The following RGP1 variants were observed in gnomAD, a reference collection of about 807,000 sequenced individuals.
The protein encoded by RGP1 is RAB6A-GEF complex partner protein 2.
Under a neutral mutation model 44.5 loss-of-function variants are expected in RGP1, and 28 were observed. That is an observed-to-expected ratio of 0.63 (90% CI 0.47 to 0.86). The LOEUF (loss-of-function observed/expected upper bound fraction) is 0.86, where lower values mean the gene tolerates loss of function less well. Ranked by LOEUF, RGP1 falls within the 40% of genes least tolerant of loss-of-function variation. RGP1 has a pLI of 0.00. For missense variants in RGP1, 417 were observed against 490.7 expected (o/e 0.85, Z 1.42); for synonymous variants, 212 against 196.7 (o/e 1.08, Z -0.65).
chr9:35,764,436 G>A, the RGP1 span, among the ~76,000 whole-genome samples: 256 of 152,308 alleles, frequency 1.7e-3, no homozygotes, highest in Middle Eastern at 6.8e-3. Flanking sequence ...TCTCTATAAT[G>A]ATTTGTTGGC....
At chr9:35,769,498 G>T in the RGP1 span, among the ~76,000 whole-genome samples, 1 of 152,170 alleles carries the variant, frequency 6.6e-6, no homozygotes, top group African/African-American at 2.4e-5. Flanking sequence ...TGAAGTTTGA[G>T]CAATATTAAG....
At chr9:35,751,078 G>A (rs369558751) in intron 5 of RGP1, 89 bp downstream of exon 5, 3 of 1,537,286 alleles carry the variant, frequency 2.0e-6, no homozygotes, top group East Asian at 4.5e-5. Context: ...GGACTGCAGG[G>A]AAACTTCCTG....
chr9:35,767,512 A>G, the RGP1 span, among the ~76,000 whole-genome samples: 1 of 152,182 alleles, frequency 6.6e-6, no homozygotes, highest in Non-Finnish European at 1.5e-5. Flanking sequence ...TAATACCAAT[A>G]TTAAATAGCC....
chr9:35,752,089 C>T lies in RGP1; in HGVS notation c.896C>T (p.Thr299Ile), dbSNP rs767809867. ...GAATCCTGCCTACATACAACTAGAA[C>T]CAGCTTCTCCCTCCCAATCCCTCTC... ...HQESCLHTTR[T>I]SFSLPIPLSS... The change falls in exon 8 of 9, where the codon ACC (threonine) becomes ATC (isoleucine). Residue 299 changes from threonine to isoleucine, a missense_variant. Transcript: ENST00000378078. 1.2e-6 allele frequency: 2 copies of T among 1,603,626 alleles called. No homozygotes were observed. Among genetic ancestry groups the T allele is most frequent in the South Asian group, 2.2e-5 (2 of 89,248 alleles).
chr9:35,777,877 A>G, the RGP1 span, among the ~76,000 whole-genome samples: 1 of 152,348 alleles, frequency 6.6e-6, no homozygotes, highest in African/African-American at 2.4e-5. Context: ...GCCATCCTTT[A>G]AAACATTCAA....
the RGP1 span, among the ~76,000 whole-genome samples, chr9:35,781,511 C>T: frequency 6.6e-6 from 1 of 151,784 alleles, no homozygotes; most frequent in Non-Finnish European, 1.5e-5. Flanking sequence ...AGTTGGAGGC[C>T]GCAGATGTTA....
the RGP1 span, chr9:35,772,257 G>A: frequency 6.6e-6 from 1 of 152,250 alleles, no homozygotes; most frequent in Non-Finnish European, 1.5e-5. Flanking sequence ...CTGAGGACTA[G>A]AGCCTGGAGA....
At chr9:35,768,403 G>A in the RGP1 span, among the ~76,000 whole-genome samples, 1 of 152,184 alleles carries the variant, frequency 6.6e-6, no homozygotes, top group African/African-American at 2.4e-5. Flanking sequence ...GAGACTTTAT[G>A]GAGATGTCTG....
chr9:35,778,423 G>T, the RGP1 span, among the ~76,000 whole-genome samples: 1 of 152,160 alleles, frequency 6.6e-6, no homozygotes, highest in African/African-American at 2.4e-5. Flanking sequence ...CAAAAGCTAC[G>T]TTTTAAAGCA....
the RGP1 span, among the ~76,000 whole-genome samples, chr9:35,770,491 T>G: frequency 2.3e-5 from 2 of 88,682 alleles, no homozygotes; most frequent in African/African-American, 1.0e-4. Flanking sequence ...GGTATTACCA[T>G]GGAGAGAGAG....
At position 35,754,056 on chromosome 9, in the gene RGP1, A is replaced by C; in HGVS notation, c.*1182A>C. ...TCCTGGGTGCTGGAGGAGTAGAGAC[A>C]TCACCAAGCAGATGATCCCCCAGCC... On this transcript the variant is annotated 3_prime_UTR_variant, in exon 9 of 9. Transcript: ENST00000378078. 1 of 1,613,840 alleles carries C rather than the reference A, an allele frequency of 6.2e-7. No individual in the cohort carries two copies. Among genetic ancestry groups the C allele is most frequent in the Non-Finnish European group, 8.5e-7 (1 of 1,179,852 alleles).
chr9:35,750,504 GGGA>G, intron 3 of RGP1, 125 bp downstream of exon 3: 1 of 1,334,756 alleles, frequency 7.5e-7, no homozygotes, highest in African/African-American at 1.4e-5. Flanking sequence ...GGGGATGTTG[GGGA>G]GCATGACTAT....
chr9:35,759,264 T>G (rs933629678), downstream of RGP1, among the ~76,000 whole-genome samples: 1 of 152,100 alleles, frequency 6.6e-6, no homozygotes, highest in African/African-American at 2.4e-5. Flanking sequence ...TTCTAAATTA[T>G]TACAGACAAT....
chr9:35,785,402 T>G, the RGP1 span, among the ~76,000 whole-genome samples: 11 of 151,386 alleles, frequency 7.3e-5, no homozygotes, highest in Middle Eastern at 6.8e-3. Context: ...CCCCACTGTT[T>G]CATCTGGAGC....
the RGP1 span, among the ~76,000 whole-genome samples, chr9:35,773,939 G>C: frequency 6.6e-6 from 1 of 152,182 alleles, no homozygotes; most frequent in South Asian, 2.1e-4. Context: ...CCAGTGTTGG[G>C]GTTGCAGGTG....
At chr9:35,780,935 C>T in the RGP1 span, among the ~76,000 whole-genome samples, 1 of 151,960 alleles carries the variant, frequency 6.6e-6, no homozygotes, top group Non-Finnish European at 1.5e-5. Context: ...ATCCCTTCAT[C>T]CATACTCATA....
At position 35,752,017 on chromosome 9, in the gene RGP1, C is replaced by A; in HGVS notation, c.824C>A (p.Ala275Glu). 6.2e-7 allele frequency: 1 copy of A among 1,608,582 alleles called. No individual in the cohort carries two copies. The highest frequency in any genetic ancestry group is 8.5e-7 in the Non-Finnish European group (1 of 1,177,126). ...CCTGAGTACCAGCGGCGACGTGGGGCAGGGGGTGTCCCCTCTGTGTCACAT... is the reference window on the plus strand; with the variant it reads ...CCTGAGTACCAGCGGCGACGTGGGGAAGGGGGTGTCCCCTCTGTGTCACAT... ...VQPEYQRRRG[A>E]GGVPSVSHVT... The change falls in exon 8 of 9, where the codon GCA becomes GAA. Residue 275 changes from alanine to glutamate, a missense_variant. Ala to Glu is a moderately radical substitution (Grantham distance 107). Coordinates refer to ENST00000378078, the MANE Select transcript of RGP1 (RefSeq NM_001080496.3).
chr9:35,765,928 G>A, the RGP1 span, among the ~76,000 whole-genome samples: 2 of 150,350 alleles, frequency 1.3e-5, no homozygotes, highest in Non-Finnish European at 3.0e-5. Flanking sequence ...TCCACCTCCT[G>A]GGTTCACGCC....
At chr9:35,751,579 G>A (rs746176473) in intron 6 of RGP1, 48 bp from the exon 7 acceptor site, 8 of 1,612,948 alleles carry the variant, frequency 5.0e-6, no homozygotes, top group African/African-American at 2.7e-5. Context: ...AGTCCTAGAC[G>A]TTATCCAGTA....
Sources: gnomAD v4.1 joint callset for allele counts (sites outside exome capture counted in the v4.1 genomes callset) on GRCh38, gnomAD v4.1.1 for gene constraint, MANE v1.5 for transcripts, NCBI Gene and HGNC (gene_info 2026-07-23, HGNC 2026-07-21) for gene names.